MED17: variants seen among roughly 807,000 people sequenced by gnomAD.
MED17 encodes mediator complex subunit 17, also known as mediator of RNA polymerase II transcription subunit 17.
A neutral mutation model predicts 80.8 loss-of-function variants in MED17; 49 were observed. That is an observed-to-expected ratio of 0.61 (90% confidence interval 0.48 to 0.77). The LOEUF (loss-of-function observed/expected upper bound fraction) is 0.77, where lower values mean the gene tolerates loss of function less well. Among genes scored for constraint, MED17 ranks in the 30% least tolerant of loss-of-function variants. The pLI is 0.00. For synonymous variants in MED17, 281 were observed against 280.4 expected (o/e 1.00, Z -0.02); for missense variants, 718 against 787.0 (o/e 0.91, Z 1.05).
At chr11:93,804,022 TATATACACACACACATATAC>T (rs1943997030) in intron 9 of MED17, among the ~76,000 whole-genome samples, 3 of 12,416 alleles carry the variant, frequency 2.4e-4, no homozygotes, top group Non-Finnish European at 8.3e-4. Context: ...TATATATATA[TATATACACACACACATATAC>T]ACACGCACAC....
chr11:93,802,057 T>C, intron 9 of MED17, 85 bp downstream of exon 9: 1 of 1,314,246 alleles, frequency 7.6e-7, no homozygotes, highest in Non-Finnish European at 1.1e-6. Context: ...GCATTTGGTT[T>C]TTATTTGCTA....
intron 10 of MED17, chr11:93,808,179 C>G (rs2135721887): frequency 5.9e-6 from 1 of 170,302 alleles, no homozygotes; most frequent in East Asian, 1.6e-4. Context: ...GCCTGGGCAA[C>G]ATAGCAAGAC....
intron 9 of MED17, among the ~76,000 whole-genome samples, chr11:93,803,643 A>G (rs965487821): frequency 1.3e-5 from 2 of 152,178 alleles, no homozygotes; most frequent in Admixed American, 6.5e-5. Context: ...TTTATTTGCC[A>G]GTAAGCCTTT....
intron 7 of MED17, 71 bp downstream of exon 7, chr11:93,796,611 T>G: frequency 2.6e-6 from 4 of 1,539,358 alleles, no homozygotes; most frequent in South Asian, 1.1e-5. Context: ...ACAAAGCTCC[T>G]CTCGTCTGCT....
In MED17 at chr11:93,794,913, C is replaced by G. The variant is rs200139509; in HGVS notation, c.865C>G (p.Pro289Ala). Residue 289 changes from proline (P) to alanine (A), a missense_variant, in exon 6 of 12, where the codon CCA becomes GCA. Transcript: ENST00000251871. ...ATATATTTCTTGTCTTTCAGGTTCC[C>G]CACATTGGCAGACAAAATTAGAAGC... ...RPLPKSKPGS[P>A]HWQTKLEAAQ... is the part of the protein sequence containing the mutation. 1 of 1,614,088 alleles carries G rather than the reference C, an allele frequency of 6.2e-7. No individual in the cohort carries two copies. The highest frequency in any genetic ancestry group is 1.3e-5 in the African/African-American group (1 of 75,044).
intron 8 of MED17, among the ~76,000 whole-genome samples, chr11:93,799,139 C>A (rs1943935172): frequency 6.6e-6 from 1 of 151,882 alleles, no homozygotes; most frequent in African/African-American, 2.4e-5. Context: ...AGTTTGAGAC[C>A]AGCCTGGGCA....
At chr11:93,793,695 T>G (rs1591384633) in intron 3 of MED17, 33 bp from the exon 4 acceptor site, 1 of 1,433,402 alleles carries the variant, frequency 7.0e-7, no homozygotes, top group African/African-American at 1.4e-5. Flanking sequence ...ATGTTAACTG[T>G]TTTATATTTT....
At chr11:93,809,184 C>CG in intron 10 of MED17, 3 of 213,910 alleles carry the variant, frequency 1.4e-5, no homozygotes, top group South Asian at 8.1e-5. Flanking sequence ...GTAGAACAGT[C>CG]CATCTTGAGA....
chr11:93,812,064 A>AT lies in MED17; in HGVS notation c.*6dup, dbSNP rs758228406. ...CTGCACTTAGCCCTTGTCTACTATG[A>AT]TTTTTTCCAGATGTTTCCTAAAGAA... On this transcript the variant is annotated 3_prime_UTR_variant, in exon 12 of 12. Transcript: ENST00000251871. 4.3e-6 allele frequency: 7 copies of AT among 1,613,598 alleles called. No individual in the cohort carries two copies. Among genetic ancestry groups the AT allele is most frequent in the South Asian group, 3.3e-5 (3 of 91,088 alleles).
chr11:93,809,480 T>C, intron 10 of MED17: 1 of 566,486 alleles, frequency 1.8e-6, no homozygotes, highest in African/African-American at 1.9e-5. Context: ...CATATGTCTT[T>C]GCTTAAGCTG....
chr11:93,792,707 C>T (rs1943850755), intron 3 of MED17, among the ~76,000 whole-genome samples: 1 of 151,970 alleles, frequency 6.6e-6, no homozygotes. Flanking sequence ...TTTGGGAGGC[C>T]AAGGTGGGAG....
intron 9 of MED17, among the ~76,000 whole-genome samples, chr11:93,803,999 G>GTGTATATA (rs1555034255): frequency 3.7e-4 from 10 of 27,122 alleles, no homozygotes; most frequent in South Asian, 1.6e-3. Flanking sequence ...ATATGTGTGT[G>GTGTATATA]TATATATATA....
Position 93,793,877 on chromosome 11 carries a change from A to G in MED17, c.774+13A>G, listed in dbSNP as rs1427326372. 6 of 1,613,676 alleles carry G rather than the reference A, an allele frequency of 3.7e-6. No homozygotes were observed. Among genetic ancestry groups the G allele is most frequent in the Non-Finnish European group, 5.1e-6 (6 of 1,179,686 alleles). On this transcript the variant is annotated intron_variant, in intron 4 of 11. Coordinates refer to ENST00000251871, the MANE Select transcript of MED17 (RefSeq NM_004268.5). ...TGCATATATCAAGGTATTTGTCAAA[A>G]TATTTTTCAAGTAATTTCTTACGAA...
chr11:93,796,474 T>G lies in MED17; in HGVS notation c.1077T>G (p.Thr359=). 1 of 1,613,934 alleles carries G rather than the reference T, an allele frequency of 6.2e-7. No individual in the cohort carries two copies. The highest frequency in any genetic ancestry group is 8.5e-7 in the Non-Finnish European group (1 of 1,179,790). Residue 359 remains threonine (T), a synonymous_variant, in exon 7 of 12, where the codon ACT becomes ACG. Transcript: ENST00000251871. Reference sequence around the variant, plus strand: ...ATAAGAAATCCCAAAAATTTGCTACTGAGAAGCAATGTCCGGAGGACCACC... The same window carrying G: ...ATAAGAAATCCCAAAAATTTGCTACGGAGAAGCAATGTCCGGAGGACCACC... ...SNDKKSQKFA[T]EKQCPEDHLY...
In MED17 at chr11:93,794,023, A is replaced by G; in HGVS notation, c.847A>G (p.Lys283Glu). 6.2e-7 allele frequency: 1 copy of G among 1,613,280 alleles called. No homozygotes were observed. ...TVNLFKRPLP[K>E]SKPGSPHWQT... ...TAACCTCTTCAAACGACCTTTGCCCAAATCCAAACCAGGTATGGTTATGTT... is the reference window on the plus strand; with the variant it reads ...TAACCTCTTCAAACGACCTTTGCCCGAATCCAAACCAGGTATGGTTATGTT... The change falls in exon 5 of 12, where the codon AAA becomes GAA. Residue 283 changes from lysine to glutamate, a missense_variant. Lys to Glu is a moderately conservative substitution (Grantham distance 56, BLOSUM62 1). Coordinates refer to ENST00000251871, the MANE Select transcript of MED17 (RefSeq NM_004268.5).
chr11:93,786,965 TC>T, intron 1 of MED17, among the ~76,000 whole-genome samples: 1 of 152,262 alleles, frequency 6.6e-6, no homozygotes, highest in South Asian at 2.1e-4. Context: ...ACATCCATGT[TC>T]CAGAATATCA....
intron 7 of MED17, chr11:93,796,993 C>G (rs1392875965): frequency 4.6e-6 from 1 of 216,140 alleles, no homozygotes; most frequent in East Asian, 1.1e-4. Flanking sequence ...TACAGCCTCC[C>G]TTGCCCCACC....
rs1268000584 is a variant in MED17 at position 93,812,327 on chromosome 11, AACTT to A, written c.*265_*268del. On this transcript the variant is annotated 3_prime_UTR_variant, in exon 12 of 12. Transcript: ENST00000251871. ...TTTTCATGCAGTTTAAAATATTACT[AACTT>A]AAGGGTTTCTATGTGCTTTTTAAAA... 39 of 536,246 alleles carry A rather than the reference AACTT, an allele frequency of 7.3e-5. No individual in the cohort carries two copies. The highest frequency in any genetic ancestry group is 4.8e-4 in the Middle Eastern group (1 of 2,102). 33.2% of individuals were successfully genotyped at this position (536,246 alleles called of 1,614,324 possible).
At position 93,791,256 on chromosome 11, in the gene MED17, T is replaced by C. The variant is rs150727362; in HGVS notation, c.637+463T>C. Among the ~76,000 whole-genome samples, 225 of 152,348 alleles carry C rather than the reference T, an allele frequency of 1.5e-3. 1 individual carries two copies. The highest frequency in any genetic ancestry group is 5.0e-3 in the African/African-American group (210 of 41,592). On this transcript the variant is annotated intron_variant, in intron 3 of 11. Coordinates refer to ENST00000251871, the MANE Select transcript of MED17 (RefSeq NM_004268.5). ...ACTCTTATCAGAACCTTATAATAAA[T>C]AGCCTAGTTTCTATTTCAAAACCTT...
Sources: allele counts gnomAD v4.1 joint callset (sites outside exome capture counted in the v4.1 genomes callset), GRCh38; gene constraint gnomAD v4.1.1; transcripts MANE v1.5; gene names NCBI Gene and HGNC (gene_info 2026-07-23, HGNC 2026-07-21).